The following DDX52 variants were observed in gnomAD, a reference collection of about 807,000 sequenced individuals.
The protein encoded by DDX52 is DExD-box helicase 52, also known as probable ATP-dependent RNA helicase DDX52.
Under a neutral mutation model 76.1 loss-of-function variants are expected in DDX52, and 59 were observed. That is an observed-to-expected ratio of 0.78 (90% CI 0.63 to 0.96). The LOEUF is 0.96. Ranked by LOEUF, DDX52 falls within the 40% of genes least tolerant of loss-of-function variation. The pLI is 0.00. For missense variants in DDX52, 707 were observed against 703.9 expected (o/e 1.00, Z -0.05); for synonymous variants, 231 against 244.1 (o/e 0.95, Z 0.50).
At chr17:37,641,499 G>C (rs1452451163) in intron 2 of DDX52, among the ~76,000 whole-genome samples, 1 of 152,150 alleles carries the variant, frequency 6.6e-6, no homozygotes, top group Non-Finnish European at 1.5e-5. Context: ...GGCACTTTGG[G>C]GGGCCAAAGC....
At chr17:37,641,520 C>T (rs2031199455) in intron 2 of DDX52, among the ~76,000 whole-genome samples, 1 of 152,086 alleles carries the variant, frequency 6.6e-6, no homozygotes, top group Non-Finnish European at 1.5e-5. Flanking sequence ...GGGCGGATCA[C>T]GAGGTCAAGT....
At position 37,611,964 on chromosome 17, in the gene DDX52, A is replaced by AC. The variant is rs975349801; in HGVS notation, c.*2331_*2332insG. The AC allele has an allele frequency of 8.1e-5, 12 of 149,068 alleles. No homozygotes were observed. Among genetic ancestry groups the AC allele is most frequent in the African/African-American group, 2.7e-4 (11 of 40,834 alleles). The allele number at this position is 149,068 out of a possible 1,614,324, so 9.2% of individuals were successfully genotyped here. On this transcript the variant is annotated 3_prime_UTR_variant, in exon 15 of 15. Coordinates refer to ENST00000617633, the MANE Select transcript of DDX52 (RefSeq NM_007010.5). ...TAACAGACCCTGTTTCTCAAAAAAA[A>AC]AAAAAAAAACAAAACAAAAAAACTC... is the stretch of plus-strand genomic sequence containing the variant.
intron 14 of DDX52, among the ~76,000 whole-genome samples, chr17:37,615,672 C>A (rs746922138): frequency 6.6e-6 from 1 of 151,842 alleles, no homozygotes; most frequent in Admixed American, 6.6e-5. Context: ...AGATTGAGAC[C>A]CTGTCTCAAA....
intron 11 of DDX52, 67 bp downstream of exon 11, chr17:37,621,059 AG>A: frequency 6.4e-7 from 1 of 1,556,848 alleles, no homozygotes; most frequent in African/African-American, 1.4e-5. Context: ...GCATATGTGC[AG>A]GGAATAGCAG....
chr17:37,637,412 T>G (rs924971849), intron 2 of DDX52, among the ~76,000 whole-genome samples: 1 of 151,722 alleles, frequency 6.6e-6, no homozygotes, highest in African/African-American at 2.4e-5. Flanking sequence ...ATTATAGGCA[T>G]GAGCCACTGC....
At chr17:37,633,922 CA>C (rs1364694019) in intron 2 of DDX52, among the ~76,000 whole-genome samples, 1 of 148,180 alleles carries the variant, frequency 6.7e-6, no homozygotes, top group Non-Finnish European at 1.5e-5. Flanking sequence ...GCAACTTAAA[CA>C]ATGATAAATT....
chr17:37,623,859 TGTATTG>T (rs1419655919), intron 9 of DDX52, among the ~76,000 whole-genome samples: 1 of 152,228 alleles, frequency 6.6e-6, no homozygotes, highest in East Asian at 1.9e-4. Flanking sequence ...GGAGATTTCT[TGTATTG>T]TCCAGTGCTG....
At chr17:37,617,434 T>C (rs751395726) in intron 14 of DDX52, among the ~76,000 whole-genome samples, 6 of 152,230 alleles carry the variant, frequency 3.9e-5, no homozygotes, top group Non-Finnish European at 8.8e-5. Context: ...GTTCAAAATA[T>C]CTTGGCCTAT....
intron 2 of DDX52, among the ~76,000 whole-genome samples, chr17:37,640,402 CAG>C (rs1213212166): frequency 6.6e-6 from 1 of 151,912 alleles, no homozygotes; most frequent in Non-Finnish European, 1.5e-5. Flanking sequence ...AGGTTCCCAA[CAG>C]AGTGTATATA....
chr17:37,617,671 G>A (rs1354481574), intron 14 of DDX52, among the ~76,000 whole-genome samples: 1 of 152,196 alleles, frequency 6.6e-6, no homozygotes, highest in Non-Finnish European at 1.5e-5. Flanking sequence ...ATCCATGTAA[G>A]TCAATGGTCC....
intron 1 of DDX52, among the ~76,000 whole-genome samples, chr17:37,642,510 A>C (rs1040303651): frequency 6.6e-6 from 1 of 152,224 alleles, no homozygotes; most frequent in African/African-American, 2.4e-5. Flanking sequence ...ATGAACACAT[A>C]TATGCTTACT....
At position 37,621,240 on chromosome 17, in the gene DDX52, A is replaced by G. The variant is rs34337635; in HGVS notation, c.1388T>C (p.Ile463Thr). ...CAAGGCTGTACAAATCAGAACCCAGATTTTTCCTGCTCTGAAACTGTGGAC... is the reference window on the plus strand; with the variant it reads ...CAAGGCTGTACAAATCAGAACCCAGGTTTTTCCTGCTCTGAAACTGTGGAC... Reference protein sequence around the residue: ...NTVHSFRAGKIWVLICTALLA... With the variant: ...NTVHSFRAGKTWVLICTALLA... Residue 463 changes from isoleucine (I) to threonine (T), a missense_variant, in exon 11 of 15, where the codon ATC becomes ACC. Ile to Thr is a moderately conservative substitution (Grantham distance 89, BLOSUM62 -1). Coordinates refer to ENST00000617633, the MANE Select transcript of DDX52 (RefSeq NM_007010.5). 19,499 of 1,613,604 alleles carry G rather than the reference A, an allele frequency of 0.012. 160 individuals are homozygous for G. Among genetic ancestry groups the G allele is most frequent in the Non-Finnish European group, 0.015 (17,429 of 1,179,848 alleles).
chr17:37,642,424 G>C (rs1030366005), intron 1 of DDX52, 116 bp from the exon 2 acceptor site: 4 of 1,180,428 alleles, frequency 3.4e-6, no homozygotes, highest in Non-Finnish European at 4.7e-6. Flanking sequence ...TATCTGTCGA[G>C]CTAACAGGTG....
intron 6 of DDX52, 148 bp from the exon 7 acceptor site, chr17:37,627,008 T>G (rs1284752865): frequency 4.7e-6 from 3 of 635,552 alleles, no homozygotes; most frequent in Non-Finnish European, 8.2e-6. Context: ...TACTTTCCTT[T>G]TAATATATCT....
In DDX52 at chr17:37,642,192, G is replaced by A. The variant is rs142252048; in HGVS notation, c.204C>T (p.Pro68=). The change falls in exon 2 of 15, where the codon CCC becomes CCT. Residue 68 remains proline, a synonymous_variant. Coordinates refer to ENST00000617633, the MANE Select transcript of DDX52 (RefSeq NM_007010.5). The part of the protein sequence containing the change: ...VCGASQTHQK[P]QNGEKKEESL... ...TCTCTTCTTTTTTCTCTCCATTTTGGGGCTTCTGATGTGTTTGTGATGCTC... is the reference window on the plus strand; with the variant it reads ...TCTCTTCTTTTTTCTCTCCATTTTGAGGCTTCTGATGTGTTTGTGATGCTC... The A allele has an allele frequency of 1.1e-5, 18 of 1,613,610 alleles. No individual in the cohort carries two copies. The African/African-American group carries it at 2.3e-4, about 20-fold the overall frequency.
chr17:37,626,865 A>AG lies in DDX52; in HGVS notation c.860-6dup. On this transcript the variant is annotated splice_polypyrimidine_tract_variant and splice_region_variant and intron_variant, in intron 6 of 14. Transcript: ENST00000617633. ...TTGGAGTAGTCACAAGAATATCTAT[A>AG]GGAAAAACAAATGGTAGAAATTGCA... 1 of 1,605,710 alleles carries AG rather than the reference A, an allele frequency of 6.2e-7. No individual in the cohort carries two copies. Among genetic ancestry groups the AG allele is most frequent in the Non-Finnish European group, 8.5e-7 (1 of 1,177,604 alleles).
intron 6 of DDX52, among the ~76,000 whole-genome samples, chr17:37,628,358 G>A (rs1303968068): frequency 1.3e-5 from 2 of 152,190 alleles, no homozygotes; most frequent in East Asian, 1.9e-4. Flanking sequence ...TGGGGGGCAA[G>A]ATTGTCTCTA....
At chr17:37,622,166 A>AT (rs1018717168) in intron 9 of DDX52, among the ~76,000 whole-genome samples, 148,828 of 150,602 alleles carry the variant, frequency 0.99, 73,543 homozygotes, top group Middle Eastern at 1. Context: ...CTAAGTAAAC[A>AT]TTTTTTTTTT....
Position 37,621,065 on chromosome 17 carries a change from T to G in DDX52, c.1501+62A>C, listed in dbSNP as rs563719400. ...AAGAAGTGAGCATATGTGCAGGGAATAGCAGGGGTCCTAAGACAGATCAGT... is the reference window on the plus strand; with the variant it reads ...AAGAAGTGAGCATATGTGCAGGGAAGAGCAGGGGTCCTAAGACAGATCAGT... On this transcript the variant is annotated intron_variant, in intron 11 of 14. Transcript: ENST00000617633. 1.1e-5 allele frequency: 17 copies of G among 1,564,334 alleles called. 1 individual carries two copies. The South Asian group carries it at 1.9e-4, about 18-fold the overall frequency.
Sources: allele counts gnomAD v4.1 joint callset (sites outside exome capture counted in the v4.1 genomes callset), GRCh38; gene constraint gnomAD v4.1.1; transcripts MANE v1.5; gene names NCBI Gene and HGNC (gene_info 2026-07-23, HGNC 2026-07-21).